The following KCNT1 variants were observed in gnomAD, a reference collection of about 807,000 sequenced individuals.
The protein encoded by KCNT1 is potassium sodium-activated channel subfamily T member 1, also known as potassium channel subfamily T member 1.
KCNT1 carries 78 observed loss-of-function variants against 147.8 expected under a neutral mutation model. That is an observed-to-expected ratio of 0.53 (90% CI 0.44 to 0.64). KCNT1 has a LOEUF of 0.64. KCNT1 is among the 30% of genes least tolerant of loss of function. KCNT1 has a pLI of 0.00. For missense variants in KCNT1, 1,419 were observed against 1,750.3 expected, an observed-to-expected ratio of 0.81 and a Z score of 3.38; for synonymous variants, 867 against 748.8, an observed-to-expected ratio of 1.16 and a Z score of -2.58.
chr9:135,786,737 G>T (rs1834084474), intron 29 of KCNT1, among the ~76,000 whole-genome samples: 1 of 152,272 alleles, frequency 6.6e-6, no homozygotes, highest in Non-Finnish European at 1.5e-5. Context: ...GTGCAGAGGA[G>T]GGAAGTGGCC....
chr9:135,774,452 T>TGTGTGTTGTGTGTCC, intron 19 of KCNT1, among the ~76,000 whole-genome samples: 1 of 147,602 alleles, frequency 6.8e-6, no homozygotes, highest in East Asian at 2.0e-4. Flanking sequence ...GTGGTGTGTC[T>TGTGTGTTGTGTGTCC]GTGTGTTGTG....
chr9:135,751,875 C>G (rs1466948549), intron 4 of KCNT1, among the ~76,000 whole-genome samples: 1 of 152,320 alleles, frequency 6.6e-6, no homozygotes, highest in East Asian at 1.9e-4. Flanking sequence ...TCTCCTGCCT[C>G]GTTCCCTTGT....
intron 1 of KCNT1, among the ~76,000 whole-genome samples, chr9:135,707,329 C>T (rs1367306121): frequency 6.6e-6 from 1 of 152,030 alleles, no homozygotes; most frequent in East Asian, 1.9e-4. Flanking sequence ...GCCTCCCCAC[C>T]CTCAGGCTGT....
At chr9:135,722,318 C>T (rs774719518) in intron 2 of KCNT1, among the ~76,000 whole-genome samples, 6 of 152,332 alleles carry the variant, frequency 3.9e-5, no homozygotes, top group East Asian at 3.9e-4. Flanking sequence ...GCGGGGCACA[C>T]GGCTTCATCA....
chr9:135,760,897 T>G (rs1794782649), intron 11 of KCNT1, among the ~76,000 whole-genome samples: 1 of 152,170 alleles, frequency 6.6e-6, no homozygotes, highest in African/African-American at 2.4e-5. Flanking sequence ...GTCTTCCCCC[T>G]GGTTCTCGCT....
At chr9:135,758,590 A>G in intron 10 of KCNT1, 82 bp downstream of exon 10, 1 of 1,120,390 alleles carries the variant, frequency 8.9e-7, no homozygotes, top group Non-Finnish European at 1.3e-6. Flanking sequence ...GGGGATACAG[A>G]TGCCTATGTC....
intron 11 of KCNT1, 50 bp from the exon 12 acceptor site, chr9:135,764,981 C>G: frequency 1.3e-6 from 2 of 1,560,900 alleles, no homozygotes; most frequent in African/African-American, 1.4e-5. Flanking sequence ...CACCGGGAGC[C>G]CTCGCTCCCC....
intron 1 of KCNT1, among the ~76,000 whole-genome samples, chr9:135,711,068 T>G (rs749853750): frequency 1.3e-5 from 2 of 152,188 alleles, no homozygotes; most frequent in Non-Finnish European, 2.9e-5. Context: ...TTCAGTTGAT[T>G]CCTCTTGGGT....
At chr9:135,729,428 G>A (rs1451176245) in intron 2 of KCNT1, among the ~76,000 whole-genome samples, 3 of 152,258 alleles carry the variant, frequency 2.0e-5, no homozygotes, top group Admixed American at 6.5e-5. Context: ...AATGAGCCTG[G>A]GAGCAGATTC....
In KCNT1 at chr9:135,786,522, G is replaced by C. The variant is rs1263143337; in HGVS notation, c.3502+1G>C. 1 of 1,588,926 alleles carries C rather than the reference G, an allele frequency of 6.3e-7. No individual in the cohort carries two copies. Among genetic ancestry groups the C allele is most frequent in the Non-Finnish European group, 8.5e-7 (1 of 1,171,258 alleles). On this transcript the variant is annotated splice_donor_variant, in intron 29 of 30. Coordinates refer to ENST00000371757, the MANE Select transcript of KCNT1 (RefSeq NM_020822.3). LOFTEE classifies it high-confidence loss of function. ...CTGGGGCTGCCCACCACCGGCTACGGTAAGGGCACACGGCGCGGGTGGGGG... is the reference window on the plus strand; with the variant it reads ...CTGGGGCTGCCCACCACCGGCTACGCTAAGGGCACACGGCGCGGGTGGGGG...
chr9:135,785,029 C>CG, intron 27 of KCNT1, 140 bp downstream of exon 27: 1 of 1,361,574 alleles, frequency 7.3e-7, no homozygotes, highest in South Asian at 1.4e-5. Flanking sequence ...GTGTCAGGGA[C>CG]CTGGGCTAGA....
At chr9:135,755,989 T>TGC in intron 6 of KCNT1, among the ~76,000 whole-genome samples, 1 of 126,656 alleles carries the variant, frequency 7.9e-6, no homozygotes, top group Non-Finnish European at 1.6e-5. Context: ...ACCCAGCATT[T>TGC]ACTGACCCAG....
At position 135,784,085 on chromosome 9, in the gene KCNT1, G is replaced by A. The variant is rs1325608473; in HGVS notation, c.2903G>A (p.Arg968His). Residue 968 changes from arginine to histidine, a missense_variant, in exon 25 of 31, where the codon CGC becomes CAC. This residue lies in a region of KCNT1 where 247 missense variants were observed against 397.1 expected (regional missense o/e 0.62). Transcript: ENST00000371757. ...TTCCGCCTGCCGTTCGCCGCCGGCC[G>A]CGTCTTCAGCATCAGCATGTTGGAC... Reference protein sequence around the residue: ...FMFRLPFAAGRVFSISMLDTL... With the variant: ...FMFRLPFAAGHVFSISMLDTL... 16 of 1,605,624 alleles carry A rather than the reference G, an allele frequency of 1.0e-5. No homozygotes were observed. Among genetic ancestry groups the A allele is most frequent in the South Asian group, 2.2e-5 (2 of 91,092 alleles).
intron 2 of KCNT1, among the ~76,000 whole-genome samples, chr9:135,743,009 C>T (rs1233680141): frequency 1.3e-5 from 2 of 152,128 alleles, no homozygotes; most frequent in Non-Finnish European, 2.9e-5. Context: ...CAGTGTGCCC[C>T]CTTGGAGAGG....
Position 135,753,996 on chromosome 9 carries a change from G to A in KCNT1, c.491+3G>A, listed in dbSNP as rs943935808. 2.5e-6 allele frequency: 4 copies of A among 1,613,810 alleles called. No homozygotes were observed. The highest frequency in any genetic ancestry group is 1.7e-6 in the Non-Finnish European group (2 of 1,179,888). ...GACTCGTCCTCCGAGATCAACTGGT[G>A]AGTCCACACTCCAGCTCCCAATAGC... On this transcript the variant is annotated splice_donor_region_variant and intron_variant, in intron 5 of 30. Transcript: ENST00000371757.
chr9:135,768,112 G>T (rs1451242043), intron 13 of KCNT1, among the ~76,000 whole-genome samples: 1 of 151,360 alleles, frequency 6.6e-6, no homozygotes, highest in Non-Finnish European at 1.5e-5. Context: ...ACGCTCGGGG[G>T]ACAGGTGTGG....
chr9:135,749,373 G>A (rs1267577600), intron 2 of KCNT1, among the ~76,000 whole-genome samples: 1 of 152,226 alleles, frequency 6.6e-6, no homozygotes, highest in Non-Finnish European at 1.5e-5. Flanking sequence ...GACCGCCGGG[G>A]CCCGGTTGGA....
At chr9:135,768,713 C>T (rs1296767770) in intron 14 of KCNT1, 40 bp downstream of exon 14, 16 of 1,540,830 alleles carry the variant, frequency 1.0e-5, no homozygotes, top group Admixed American at 2.0e-5. Flanking sequence ...GGAGGGGCAC[C>T]GTGGGGCCGG....
rs1309134483 is a variant in KCNT1 at position 135,737,045 on chromosome 9, G to A, written c.255-13053G>A. 5 of 236,088 alleles carry A rather than the reference G, an allele frequency of 2.1e-5. No homozygotes were observed. In the East Asian group the frequency reaches 3.8e-4, roughly 18 times the overall value. 14.6% of individuals were successfully genotyped at this position (236,088 alleles called of 1,614,324 possible). ...TGAGACTGCAGGGGAGGGAGGAAGT[G>A]GACCCAGCTCTGTGCCAGGCACTGG... On this transcript the variant is annotated intron_variant, in intron 2 of 30. Coordinates refer to ENST00000371757, the MANE Select transcript of KCNT1 (RefSeq NM_020822.3).
Sources: allele counts gnomAD v4.1 joint callset (sites outside exome capture counted in the v4.1 genomes callset), GRCh38; gene constraint gnomAD v4.1.1; regional missense constraint gnomAD v4.1.1; transcripts MANE v1.5; gene names NCBI Gene and HGNC (gene_info 2026-07-23, HGNC 2026-07-21).